The following KIDINS220 variants were observed in gnomAD, a reference collection of about 807,000 sequenced individuals.
KIDINS220 encodes the protein kinase D interacting substrate 220, also known as kinase D-interacting substrate of 220 kDa.
In KIDINS220, 63 loss-of-function variants were observed where a neutral mutation model predicts 157.6. That is an observed-to-expected ratio of 0.40 (90% confidence interval 0.33 to 0.49). The LOEUF (loss-of-function observed/expected upper bound fraction) is 0.49. Among genes scored for constraint, KIDINS220 ranks in the 20% least tolerant of loss-of-function variants. The pLI, the probability that KIDINS220 is intolerant of heterozygous loss-of-function variation, is 0.66. For missense variants in KIDINS220, 1,772 were observed against 2,171.2 expected (o/e 0.82, Z 3.65); for synonymous variants, 732 against 783.6 (o/e 0.93, Z 1.10).
chr2:8,779,381 T>C (rs1049190620), intron 18 of KIDINS220, among the ~76,000 whole-genome samples: 3 of 152,216 alleles, frequency 2.0e-5, no homozygotes, highest in Non-Finnish European at 2.9e-5. Context: ...ACATTTACAG[T>C]CTGCTAAAGA....
chr2:8,737,087 T>C (rs1664983630), intron 26 of KIDINS220, 88 bp from the exon 27 acceptor site: 1 of 1,289,618 alleles, frequency 7.8e-7, no homozygotes, highest in Admixed American at 2.3e-5. Flanking sequence ...ACTCATTAAG[T>C]TATACCATGA....
In KIDINS220 at chr2:8,770,805, C is replaced by T; in HGVS notation, c.2876G>A (p.Ser959Asn). ...GCTAGCAAGCCTGTCCCAGTTGAAACTAATCTGATTGGCTCTCAGTAATCG... is the reference window on the plus strand; with the variant it reads ...GCTAGCAAGCCTGTCCCAGTTGAAATTAATCTGATTGGCTCTCAGTAATCG... ...TGRLLRANQI[S>N]FNWDRLASWI... Residue 959 changes from serine (S) to asparagine (N), a missense_variant, in exon 22 of 30, where the codon AGT becomes AAT. Physicochemically the swap from Ser to Asn is conservative, Grantham distance 46. This residue lies in a region of KIDINS220 where 725 missense variants were observed against 1,017.1 expected (regional missense o/e 0.71). Coordinates refer to ENST00000256707, the MANE Select transcript of KIDINS220 (RefSeq NM_020738.4). 6.2e-7 allele frequency: 1 copy of T among 1,608,816 alleles called. No homozygotes were observed. The highest frequency in any genetic ancestry group is 1.1e-5 in the South Asian group (1 of 89,704).
chr2:8,824,973 C>T (rs1448040158), intron 2 of KIDINS220, among the ~76,000 whole-genome samples: 1 of 152,066 alleles, frequency 6.6e-6, no homozygotes. Flanking sequence ...TCTAAATAGT[C>T]ATATTCATAC....
chr2:8,800,440 G>C lies in KIDINS220; in HGVS notation c.860C>G (p.Ala287Gly), dbSNP rs1333051733. Residue 287 changes from alanine to glycine, a missense_variant, in exon 9 of 30, where the codon GCG becomes GGG. Transcript: ENST00000256707. ...VRGGHVEIVRALLQKYADIDI... is the reference protein window; with the variant it reads ...VRGGHVEIVRGLLQKYADIDI... ...TATATCAGCATATTTTTGGAGAAGC[G>C]CTCGAACAATTTCAACATGACCACC... 2 of 1,613,210 alleles carry C rather than the reference G, an allele frequency of 1.2e-6. No individual in the cohort carries two copies. Among genetic ancestry groups the C allele is most frequent in the Non-Finnish European group, 8.5e-7 (1 of 1,179,670 alleles).
At chr2:8,799,047 A>G (rs1674342686) in intron 9 of KIDINS220, among the ~76,000 whole-genome samples, 1 of 151,990 alleles carries the variant, frequency 6.6e-6, no homozygotes, top group Non-Finnish European at 1.5e-5. Context: ...CTCTTCTAAA[A>G]AATGTACACT....
At chr2:8,834,821 G>A (rs1680175069) in intron 1 of KIDINS220, among the ~76,000 whole-genome samples, 1 of 152,090 alleles carries the variant, frequency 6.6e-6, no homozygotes, top group Admixed American at 6.5e-5. Flanking sequence ...GTATGTATAT[G>A]TATGTATGTA....
intron 1 of KIDINS220, among the ~76,000 whole-genome samples, chr2:8,832,230 A>G (rs1679743853): frequency 6.6e-6 from 1 of 152,218 alleles, no homozygotes; most frequent in Non-Finnish European, 1.5e-5. Context: ...CAGGGAGTTA[A>G]TAAGACCAAC....
chr2:8,776,772 ATCT>A lies in KIDINS220; in HGVS notation c.2821_2823del (p.Arg941del). On this transcript the variant is annotated inframe_deletion, in exon 21 of 30. Coordinates refer to ENST00000256707, the MANE Select transcript of KIDINS220 (RefSeq NM_020738.4). The stretch of plus-strand genomic sequence containing the variant: ...CCTGTCACAGAAACAATATTAAGTA[ATCT>A]TCTCATGGTCTGGGGACTGATGTCA... 6.2e-7 allele frequency: 1 copy of A among 1,613,966 alleles called. No individual in the cohort carries two copies. Among genetic ancestry groups the A allele is most frequent in the Non-Finnish European group, 8.5e-7 (1 of 1,179,924 alleles).
Position 8,730,008 on chromosome 2 carries a change from G to C in KIDINS220, c.*712C>G, listed in dbSNP as rs964391020. 1.0e-6 allele frequency: 1 copy of C among 985,234 alleles called. No individual in the cohort carries two copies. Among genetic ancestry groups the C allele is most frequent in the African/African-American group, 1.7e-5 (1 of 57,200 alleles). The allele number at this position is 985,234 out of a possible 1,614,324, so 61.0% of individuals were successfully genotyped here. A position where few individuals can be genotyped will look rare whatever the true frequency, so the allele number is the denominator to read the frequency against. On this transcript the variant is annotated 3_prime_UTR_variant, in exon 30 of 30. Transcript: ENST00000256707. ...TGGATGGTGCTGGAAGCCAGGCCTG[G>C]GATTTGGAGAGAAGAGTTTCCGACA...
intron 15 of KIDINS220, among the ~76,000 whole-genome samples, chr2:8,788,159 T>G (rs1672676318): frequency 6.6e-6 from 1 of 152,224 alleles, no homozygotes; most frequent in Non-Finnish European, 1.5e-5. Context: ...ACAGGAGGGA[T>G]ATATAATCTG....
chr2:8,796,656 G>A, intron 11 of KIDINS220, 115 bp downstream of exon 11: 1 of 809,680 alleles, frequency 1.2e-6, no homozygotes, highest in Non-Finnish European at 2.2e-6. Flanking sequence ...GACATCCCCA[G>A]CAAGTCATCT....
At chr2:8,769,067 C>T (rs1669841512) in intron 22 of KIDINS220, among the ~76,000 whole-genome samples, 1 of 152,118 alleles carries the variant, frequency 6.6e-6, no homozygotes, top group African/African-American at 2.4e-5. Flanking sequence ...GGCAAGCCTG[C>T]CAAATGCCGA....
intron 2 of KIDINS220, among the ~76,000 whole-genome samples, chr2:8,822,146 T>C (rs747816948): frequency 6.6e-5 from 10 of 152,198 alleles, no homozygotes; most frequent in Admixed American, 2.6e-4. Context: ...CAAAAACAAC[T>C]ACTATTTAAG....
intron 25 of KIDINS220, 44 bp downstream of exon 25, chr2:8,747,843 T>A (rs781375545): frequency 3.6e-5 from 45 of 1,255,734 alleles, no homozygotes; most frequent in Non-Finnish European, 3.4e-6. Flanking sequence ...GCTATCTATG[T>A]TTATTATTAA....
chr2:8,728,676 G>A (rs933102610), downstream of KIDINS220, among the ~76,000 whole-genome samples: 28 of 152,336 alleles, frequency 1.8e-4, no homozygotes, highest in African/African-American at 5.1e-4. Context: ...ACTGCACAGC[G>A]CTGCTGGGCG....
rs944154290 is a variant in KIDINS220, at chr2:8,751,462, C to A, written c.3190+4G>T. On this transcript the variant is annotated splice_donor_region_variant and intron_variant, in intron 23 of 29. Coordinates refer to ENST00000256707, the MANE Select transcript of KIDINS220 (RefSeq NM_020738.4). The stretch of plus-strand genomic sequence containing the variant: ...GAAAAATTAAATTTACTACTAATAC[C>A]CACCTGCAATAATTTCCCGTAGTTT... 1 of 1,597,012 alleles carries A rather than the reference C, an allele frequency of 6.3e-7. No individual in the cohort carries two copies. The highest frequency in any genetic ancestry group is 8.5e-7 in the Non-Finnish European group (1 of 1,173,066).
At chr2:8,797,478 A>C (rs1474770514) in intron 10 of KIDINS220, among the ~76,000 whole-genome samples, 1 of 152,182 alleles carries the variant, frequency 6.6e-6, no homozygotes, top group Admixed American at 6.5e-5. Context: ...AAGAAAAAAG[A>C]GGATTAAGGA....
chr2:8,832,867 C>A (rs1355951821), intron 1 of KIDINS220, among the ~76,000 whole-genome samples: 1 of 152,112 alleles, frequency 6.6e-6, no homozygotes, highest in African/African-American at 2.4e-5. Context: ...ACCATTATAT[C>A]ATCCCAGGCT....
chr2:8,794,208 T>C (rs1673597978), intron 11 of KIDINS220: 1 of 357,008 alleles, frequency 2.8e-6, no homozygotes, highest in Admixed American at 4.4e-5. Context: ...CACAGCCCTC[T>C]AGAATGAAGG....
Sources: gnomAD v4.1 joint callset for allele counts (sites outside exome capture counted in the v4.1 genomes callset) on GRCh38, gnomAD v4.1.1 for gene constraint, gnomAD v4.1.1 regional missense constraint, MANE v1.5 for transcripts, NCBI Gene and HGNC (gene_info 2026-07-23, HGNC 2026-07-21) for gene names.